The following NUDCD1 variants were observed in gnomAD, a reference collection of about 807,000 sequenced individuals.
NUDCD1 encodes NudC domain containing 1.
NUDCD1 carries 60 observed loss-of-function variants against 67.8 expected under a neutral mutation model. The ratio of observed to expected loss-of-function variants is 0.88; its 90% confidence interval spans 0.72 to 1.10. The LOEUF is 1.10. Ranked by LOEUF, NUDCD1 falls within the 50% of genes least tolerant of loss-of-function variation. NUDCD1 has a pLI of 0.00. For missense variants in NUDCD1, 643 were observed against 695.0 expected (o/e 0.93, Z 0.84); for synonymous variants, 244 against 230.8 (o/e 1.06, Z -0.52).
Position 109,243,143 on chromosome 8 carries a change from C to T in NUDCD1, c.1618G>A (p.Gly540Arg), listed in dbSNP as rs1271681641. The change falls in exon 10 of 10, where the codon GGA (glycine) becomes AGA (arginine). Residue 540 changes from glycine (G) to arginine (R), a missense_variant. Gly to Arg is a moderately radical substitution (Grantham distance 125). Coordinates refer to ENST00000239690, the MANE Select transcript of NUDCD1 (RefSeq NM_032869.4). Reference sequence around the variant, plus strand: ...GCTACTTGCTGCTTAGCAACCTGTCCTACTTGCCTGCCTTCCTTTCTGTTG... The same window carrying T: ...GCTACTTGCTGCTTAGCAACCTGTCTTACTTGCCTGCCTTCCTTTCTGTTG... The part of the protein sequence containing the change: ...LYNRKEGRQV[G>R]QVAKQQVASL... 3 of 1,613,764 alleles carry T rather than the reference C, an allele frequency of 1.9e-6. No individual in the cohort carries two copies. The highest frequency in any genetic ancestry group is 1.7e-5 in the Admixed American group (1 of 59,988).
chr8:109,321,265 G>T (rs937048077), intron 2 of NUDCD1, among the ~76,000 whole-genome samples: 3 of 152,114 alleles, frequency 2.0e-5, no homozygotes, highest in East Asian at 3.9e-4. Flanking sequence ...ATGTATTGTG[G>T]AGTTTCCAGC....
intron 1 of NUDCD1, chr8:109,329,904 C>T (rs1475010220): frequency 6.5e-7 from 1 of 1,537,494 alleles, no homozygotes; most frequent in Non-Finnish European, 8.8e-7. Context: ...ATACTGGATG[C>T]TACGAAGTAT....
chr8:109,250,683 G>C (rs1030306024), intron 8 of NUDCD1, among the ~76,000 whole-genome samples: 2 of 151,818 alleles, frequency 1.3e-5, no homozygotes, highest in African/African-American at 4.8e-5. Context: ...TCAACGAATG[G>C]TATTTTTTTT....
intron 8 of NUDCD1, among the ~76,000 whole-genome samples, chr8:109,257,311 G>A (rs1813762303): frequency 6.6e-6 from 1 of 152,034 alleles, no homozygotes; most frequent in Admixed American, 6.6e-5. Context: ...ATAAAGTCAA[G>A]TAACACTGTT....
At chr8:109,333,216 G>C (rs559816945) in intron 1 of NUDCD1, among the ~76,000 whole-genome samples, 39 of 152,258 alleles carry the variant, frequency 2.6e-4, no homozygotes, top group Non-Finnish European at 5.3e-4. Context: ...ATCAGAATCA[G>C]CAGGGGTGTG....
intron 7 of NUDCD1, 29 bp from the exon 8 acceptor site, chr8:109,271,159 A>G: frequency 7.0e-7 from 1 of 1,438,390 alleles, no homozygotes; most frequent in South Asian, 1.3e-5. Context: ...ATAAGTAAAT[A>G]AGTAAAACAA....
At chr8:109,317,828 C>T (rs1815436350) in intron 2 of NUDCD1, among the ~76,000 whole-genome samples, 3 of 152,110 alleles carry the variant, frequency 2.0e-5, no homozygotes, top group East Asian at 1.9e-4. Context: ...CTTGCTTTAA[C>T]GTCTAAAAAA....
intron 2 of NUDCD1, among the ~76,000 whole-genome samples, chr8:109,304,559 G>A (rs987211679): frequency 2.0e-5 from 3 of 152,092 alleles, no homozygotes; most frequent in African/African-American, 2.4e-5. Flanking sequence ...AAGGCACTAC[G>A]CGTCAATATT....
rs566464554 is a variant in NUDCD1 at position 109,282,830 on chromosome 8, A to G, written c.824-1658T>C. Among the ~76,000 whole-genome samples the G allele has an allele frequency of 1.1e-3, 163 of 147,872 alleles. 1 individual carries two copies. The highest frequency in any genetic ancestry group is 4.3e-3 in the African/African-American group (159 of 37,396). On this transcript the variant is annotated intron_variant, in intron 5 of 9. Transcript: ENST00000239690. ...CATGTATCCCAGAACTTAAAAGTACAATAAAAAAATTCCAAAAAAAAAAAG... is the reference window on the plus strand; with the variant it reads ...CATGTATCCCAGAACTTAAAAGTACGATAAAAAAATTCCAAAAAAAAAAAG...
intron 8 of NUDCD1, among the ~76,000 whole-genome samples, chr8:109,251,174 T>C (rs1813614576): frequency 1.6e-5 from 2 of 126,872 alleles, no homozygotes; most frequent in Admixed American, 1.8e-4. Context: ...ATTTCTTTTT[T>C]TTTTTTTCTT....
At chr8:109,279,551 TTC>T (rs1814380019) in intron 6 of NUDCD1, among the ~76,000 whole-genome samples, 1 of 152,236 alleles carries the variant, frequency 6.6e-6, no homozygotes, top group African/African-American at 2.4e-5. Context: ...TACCTTTTTG[TTC>T]TCTTAATGGT....
At chr8:109,277,021 A>T (rs1274352239) in intron 6 of NUDCD1, among the ~76,000 whole-genome samples, 1 of 152,164 alleles carries the variant, frequency 6.6e-6, no homozygotes, top group African/African-American at 2.4e-5. Context: ...TGATGATGAT[A>T]ATAATAGTAA....
At chr8:109,247,247 A>G (rs1032841198) in intron 8 of NUDCD1, among the ~76,000 whole-genome samples, 3 of 152,224 alleles carry the variant, frequency 2.0e-5, no homozygotes, top group Admixed American at 2.0e-4. Flanking sequence ...GGGCTTTCAC[A>G]GAAGAAAAAT....
chr8:109,298,525 G>A (rs1814898285), intron 2 of NUDCD1: 1 of 152,138 alleles, frequency 6.6e-6, no homozygotes, highest in Non-Finnish European at 1.5e-5. Context: ...AGTAGATCAA[G>A]TGTCTAAGTG....
chr8:109,314,149 T>G (rs1279825315), intron 2 of NUDCD1, among the ~76,000 whole-genome samples: 2 of 152,182 alleles, frequency 1.3e-5, no homozygotes, highest in Non-Finnish European at 2.9e-5. Flanking sequence ...ACACTTTATA[T>G]GCTAACTGAC....
chr8:109,251,483 T>C (rs1481602759), intron 8 of NUDCD1, among the ~76,000 whole-genome samples: 1 of 152,204 alleles, frequency 6.6e-6, no homozygotes, highest in Non-Finnish European at 1.5e-5. Context: ...GTCTCATCTA[T>C]TTCTTAAGTG....
intron 8 of NUDCD1, among the ~76,000 whole-genome samples, chr8:109,258,712 G>T (rs1343546724): frequency 6.6e-6 from 1 of 152,010 alleles, no homozygotes; most frequent in Non-Finnish European, 1.5e-5. Flanking sequence ...AAAAGTATCA[G>T]TTAAGCATTT....
At chr8:109,269,718 C>A (rs1586264769) in intron 8 of NUDCD1, among the ~76,000 whole-genome samples, 1 of 151,996 alleles carries the variant, frequency 6.6e-6, no homozygotes, top group East Asian at 1.9e-4. Context: ...AACAAAAGAC[C>A]AAGTTGTTCT....
At chr8:109,247,514 T>A (rs1461013693) in intron 8 of NUDCD1, among the ~76,000 whole-genome samples, 1 of 152,238 alleles carries the variant, frequency 6.6e-6, no homozygotes, top group African/African-American at 2.4e-5. Context: ...TGCCTTATTA[T>A]GAGCCCCTCA....
Sources: gnomAD v4.1 joint callset for allele counts (sites outside exome capture counted in the v4.1 genomes callset) on GRCh38, gnomAD v4.1.1 for gene constraint, MANE v1.5 for transcripts, NCBI Gene and HGNC (gene_info 2026-07-23, HGNC 2026-07-21) for gene names.